The following PRKN variants were observed in gnomAD, a reference collection of about 807,000 sequenced individuals.
The protein encoded by PRKN is parkin RBR E3 ubiquitin protein ligase, also known as E3 ubiquitin-protein ligase parkin.
In PRKN, 56 loss-of-function variants were observed where a neutral mutation model predicts 59.5. The observed-to-expected ratio is 0.94, with a 90% confidence interval of 0.76 to 1.18. The LOEUF is 1.18. Among genes scored for constraint, PRKN ranks in the 50% most tolerant of loss-of-function variants. PRKN has a pLI of 0.00. For missense variants in PRKN, 657 were observed against 596.4 expected (o/e 1.10, Z -1.06); for synonymous variants, 250 against 222.1 (o/e 1.13, Z -1.12).
chr6:162,316,319 G>A (rs1458142680), intron 2 of PRKN, among the ~76,000 whole-genome samples: 1 of 152,000 alleles, frequency 6.6e-6, no homozygotes, highest in African/African-American at 2.4e-5. Flanking sequence ...CTGGCCAACA[G>A]GGTTGATTGA....
At position 162,453,936 on chromosome 6, in the gene PRKN, A is replaced by G. The variant is rs60691497; in HGVS notation, c.8-10463T>C. Among the ~76,000 whole-genome samples, 578 of 152,218 alleles carry G rather than the reference A, an allele frequency of 3.8e-3. 6 individuals carry two copies. The highest frequency in any genetic ancestry group is 0.013 in the African/African-American group (553 of 41,548). ...AAACGATGAGAAAGTGGACATAATA[A>G]TAAGGGCAAAACTCTTTGGGGAAGG... On this transcript the variant is annotated intron_variant, in intron 1 of 11. Transcript: ENST00000366898.
chr6:162,323,881 G>A (rs987388475), intron 2 of PRKN, among the ~76,000 whole-genome samples: 1 of 152,024 alleles, frequency 6.6e-6, no homozygotes, highest in East Asian at 1.9e-4. Flanking sequence ...ATATGACTAA[G>A]CTATTCTACT....
chr6:162,572,141 T>G (rs1366790297), intron 1 of PRKN, among the ~76,000 whole-genome samples: 2 of 152,186 alleles, frequency 1.3e-5, no homozygotes, highest in Non-Finnish European at 2.9e-5. Context: ...GTCTCACCTG[T>G]CCCAAATGTG....
chr6:161,533,066 A>C lies in PRKN; in HGVS notation c.1083+15788T>G, dbSNP rs1007621757. Among the ~76,000 whole-genome samples the C allele has an allele frequency of 1.3e-5, 2 of 152,230 alleles. No individual in the cohort carries two copies. The highest frequency in any genetic ancestry group is 2.9e-5 in the Non-Finnish European group (2 of 68,040). Reference sequence around the variant, plus strand: ...CAGCATAATAAAGATGGGTGAGTATAAATATTCTATAGTGTACCATATTAG... The same window carrying C: ...CAGCATAATAAAGATGGGTGAGTATCAATATTCTATAGTGTACCATATTAG... On this transcript the variant is annotated intron_variant, in intron 9 of 11. Transcript: ENST00000366898. This position sits in a 1 kb window ranked among gnomAD's most constrained non-coding sequence, Gnocchi z 4.1.
intron 4 of PRKN, among the ~76,000 whole-genome samples, chr6:162,145,385 G>A (rs1226171765): frequency 2.0e-5 from 3 of 152,162 alleles, no homozygotes; most frequent in Non-Finnish European, 4.4e-5. Flanking sequence ...TTCTTTTCCT[G>A]TAAGTAAGGA....
In PRKN at chr6:162,605,077, G is replaced by A. The variant is rs529035838; in HGVS notation, c.7+122585C>T. On this transcript the variant is annotated intron_variant, in intron 1 of 11. Coordinates refer to ENST00000366898, the MANE Select transcript of PRKN (RefSeq NM_004562.3). ...ATAAAGTATATATCACTTGCCAAAA[G>A]TGATCTTTTCATTATCCTTTTATAG... Among the ~76,000 whole-genome samples, 4 of 152,226 alleles carry A rather than the reference G, an allele frequency of 2.6e-5. No individual in the cohort carries two copies. In the South Asian group the frequency reaches 8.3e-4, roughly 32 times the overall value.
chr6:162,304,081 G>C (rs529665737), intron 2 of PRKN, among the ~76,000 whole-genome samples: 1 of 7,496 alleles, frequency 1.3e-4, no homozygotes, highest in Non-Finnish European at 9.9e-4. Context: ...CTCTGTGAAG[G>C]GAGAAAAAAA....
intron 4 of PRKN, among the ~76,000 whole-genome samples, chr6:162,071,001 G>C (rs751225368): frequency 1.3e-5 from 2 of 152,080 alleles, no homozygotes; most frequent in Non-Finnish European, 2.9e-5. Context: ...CTGGAAATGG[G>C]CAGAGTGTCA....
At chr6:161,752,081 G>A (rs944707041) in intron 7 of PRKN, among the ~76,000 whole-genome samples, 5 of 152,236 alleles carry the variant, frequency 3.3e-5, no homozygotes, top group East Asian at 1.9e-4. Flanking sequence ...TAAGGAATCC[G>A]TTTTGGGACA....
At chr6:161,747,140 G>A (rs1342682183) in intron 7 of PRKN, among the ~76,000 whole-genome samples, 1 of 152,140 alleles carries the variant, frequency 6.6e-6, no homozygotes, top group East Asian at 1.9e-4. Flanking sequence ...CATGTATTAT[G>A]TGCTGGTCTT....
At chr6:162,223,755 C>T (rs1778044077) in intron 3 of PRKN, among the ~76,000 whole-genome samples, 1 of 151,916 alleles carries the variant, frequency 6.6e-6, no homozygotes, top group African/African-American at 2.4e-5. Flanking sequence ...CCTGGTTTTT[C>T]CCCCTGAAAT....
Position 161,518,409 on chromosome 6 carries a change from C to T in PRKN, c.1083+30445G>A, listed in dbSNP as rs551362205. On this transcript the variant is annotated intron_variant, in intron 9 of 11. Coordinates refer to ENST00000366898, the MANE Select transcript of PRKN (RefSeq NM_004562.3). The surrounding 1 kb of genome is among the most constrained non-coding windows in gnomAD (Gnocchi z 5.0). ...GCCAGTAGCCAGGCGTGGTGGTGGGCGCCTGTAGTCCCAGCTACTTGGGAG... is the reference window on the plus strand; with the variant it reads ...GCCAGTAGCCAGGCGTGGTGGTGGGTGCCTGTAGTCCCAGCTACTTGGGAG... 5.3e-5 allele frequency among the ~76,000 whole-genome samples: 8 copies of T among 152,278 alleles called. No homozygotes were observed. In the South Asian group the frequency reaches 1.2e-3, roughly 24 times the overall value.
In PRKN at chr6:161,463,626, T is replaced by C. The variant is rs1352293388; in HGVS notation, c.1084-76749A>G. 2.0e-5 allele frequency among the ~76,000 whole-genome samples: 3 copies of C among 152,174 alleles called. No homozygotes were observed. Among genetic ancestry groups the C allele is most frequent in the Non-Finnish European group, 2.9e-5 (2 of 68,034 alleles). On this transcript the variant is annotated intron_variant, in intron 9 of 11. Coordinates refer to ENST00000366898, the MANE Select transcript of PRKN (RefSeq NM_004562.3). The surrounding 1 kb of genome is among the most constrained non-coding windows in gnomAD (Gnocchi z 4.8). ...TTCTTGGTTCCCATGGACTGAAACT[T>C]TACAGGTAAAGGCCAAAGTTTTGAT...
At chr6:162,479,830 G>A (rs62428777) in intron 1 of PRKN, among the ~76,000 whole-genome samples, 68,711 of 150,634 alleles carry the variant, frequency 0.46, 15,874 homozygotes, top group Middle Eastern at 0.53. Flanking sequence ...ACTTTGGGAG[G>A]TCGAGGCAGG....
At chr6:162,150,138 C>T (rs1392642525) in intron 4 of PRKN, among the ~76,000 whole-genome samples, 1 of 152,074 alleles carries the variant, frequency 6.6e-6, no homozygotes, top group Non-Finnish European at 1.5e-5. Context: ...ACTACCATCG[C>T]CGTGTCTTTT....
chr6:162,644,202 C>T (rs1778075325), intron 1 of PRKN, among the ~76,000 whole-genome samples: 1 of 152,094 alleles, frequency 6.6e-6, no homozygotes, highest in Non-Finnish European at 1.5e-5. Context: ...CCTGCCTGTG[C>T]TCCTCCTCCT....
chr6:162,056,734 C>A lies in PRKN; in HGVS notation c.535-2560G>T, dbSNP rs376258121. 7.2e-4 allele frequency among the ~76,000 whole-genome samples: 109 copies of A among 152,272 alleles called. No individual in the cohort carries two copies. The highest frequency in any genetic ancestry group is 2.6e-3 in the African/African-American group (106 of 41,550). On this transcript the variant is annotated intron_variant, in intron 4 of 11. Transcript: ENST00000366898. This position sits in a 1 kb window ranked among gnomAD's most constrained non-coding sequence, Gnocchi z 4.9. ...ACTGTCTGCACAAACCATGGCTATG[C>A]ACAACATCTTCTCACCCTCGGCAAG...
intron 1 of PRKN, among the ~76,000 whole-genome samples, chr6:162,701,885 ACC>A (rs200086630): frequency 0.3 from 29,416 of 98,598 alleles, 3,220 homozygotes; most frequent in East Asian, 0.56. Flanking sequence ...ACACACACAC[ACC>A]CCCCCGACAA....
At chr6:161,913,428 C>A (rs1286430943) in intron 6 of PRKN, among the ~76,000 whole-genome samples, 1 of 152,142 alleles carries the variant, frequency 6.6e-6, no homozygotes, top group African/African-American at 2.4e-5. Context: ...GAAATATGTT[C>A]AAGCTCACTC....
Sources: allele counts gnomAD v4.1 joint callset (sites outside exome capture counted in the v4.1 genomes callset), GRCh38; gene constraint gnomAD v4.1.1; non-coding constraint Gnocchi (gnomAD v3.1); transcripts MANE v1.5; gene names NCBI Gene and HGNC (gene_info 2026-07-23, HGNC 2026-07-21).